CHD4: variants seen among roughly 807,000 people sequenced by gnomAD.
The protein encoded by CHD4 is ATP-dependent chromatin remodeler CHD4.
A neutral mutation model predicts 235.5 loss-of-function variants in CHD4; 35 were observed. The observed-to-expected ratio is 0.15, with a 90% confidence interval of 0.11 to 0.20. The LOEUF is 0.20. Among genes scored for constraint, CHD4 ranks in the 10% least tolerant of loss-of-function variants. The probability of loss-of-function intolerance (pLI) is 1.00; values close to 1 mark genes in which losing one functional copy is unlikely to be tolerated. For synonymous variants in CHD4, 900 were observed against 850.2 expected (o/e 1.06, Z -1.02); for missense variants, 1,329 against 2,432.3 (o/e 0.55, Z 9.54).
At chr12:6,597,045 G>T (rs562815430) in intron 12 of CHD4, among the ~76,000 whole-genome samples, 1 of 148,750 alleles carries the variant, frequency 6.7e-6, no homozygotes, top group Non-Finnish European at 1.5e-5. Context: ...GGAGGTGAGC[G>T]GATCACAAGG....
At chr12:6,584,364 A>C (rs1336727174) in intron 25 of CHD4, 1 of 152,206 alleles carries the variant, frequency 6.6e-6, no homozygotes, top group Non-Finnish European at 1.5e-5. Context: ...TTGTTAGAGG[A>C]CAGGAGAGAA....
chr12:6,581,436 G>C (rs761036067), intron 31 of CHD4, 48 bp from the exon 32 acceptor site: 18 of 1,579,378 alleles, frequency 1.1e-5, no homozygotes, highest in Non-Finnish European at 1.6e-5. Flanking sequence ...TACTAGATCA[G>C]AGAGAAGGTC....
chr12:6,593,287 G>A lies in CHD4; in HGVS notation c.2515-59C>T. 1 of 1,609,196 alleles carries A rather than the reference G, an allele frequency of 6.2e-7. No homozygotes were observed. The highest frequency in any genetic ancestry group is 1.3e-5 in the African/African-American group (1 of 74,936). Reference sequence around the variant, plus strand: ...AGTTCCTCTGTGTAAGCACAACCAGGAGACTGATGGAATGTTTTCCTCCTC... The same window carrying A: ...AGTTCCTCTGTGTAAGCACAACCAGAAGACTGATGGAATGTTTTCCTCCTC... On this transcript the variant is annotated intron_variant, in intron 16 of 39. Coordinates refer to ENST00000544040, the MANE Select transcript of CHD4 (RefSeq NM_001273.5). The surrounding 1 kb of genome is among the most constrained non-coding windows in gnomAD (Gnocchi z 4.9).
rs2136201923 is a variant in CHD4, at chr12:6,581,683, C to T, written c.4647G>A (p.Thr1549=). Residue 1549 remains threonine (T), a synonymous_variant, in exon 31 of 40, where the codon ACG becomes ACA. Coordinates refer to ENST00000544040, the MANE Select transcript of CHD4 (RefSeq NM_001273.5). ...GGACAGGTGCAGGAGTGTTGGGCTGCGTGTCCCCTGGAGTGGAGGGTGTAG... is the reference window on the plus strand; with the variant it reads ...GGACAGGTGCAGGAGTGTTGGGCTGTGTGTCCCCTGGAGTGGAGGGTGTAG... ...KTPTPSTPGD[T]QPNTPAPVPP... 6.2e-7 allele frequency: 1 copy of T among 1,610,592 alleles called. No homozygotes were observed. The highest frequency in any genetic ancestry group is 8.5e-7 in the Non-Finnish European group (1 of 1,177,802).
At chr12:6,578,697 C>T in intron 34 of CHD4, 149 bp downstream of exon 34, 1 of 1,379,922 alleles carries the variant, frequency 7.2e-7, no homozygotes, top group African/African-American at 1.4e-5. Flanking sequence ...GCCATTGGCC[C>T]ACTGACAACT....
intron 22 of CHD4, among the ~76,000 whole-genome samples, chr12:6,588,840 G>A (rs1365076792): frequency 1.3e-5 from 2 of 152,212 alleles, no homozygotes; most frequent in East Asian, 3.9e-4. Context: ...AGCTACTCAG[G>A]AAGCTGAGGC....
At position 6,606,804 on chromosome 12, in the gene CHD4, C is replaced by T. The variant is rs1241876196; in HGVS notation, c.-78-353G>A. 3 of 144,120 alleles carry T rather than the reference C, an allele frequency of 2.1e-5. No individual in the cohort carries two copies. In the East Asian group the frequency reaches 6.5e-4, roughly 31 times the overall value. 8.9% of individuals were successfully genotyped at this position (144,120 alleles called of 1,614,324 possible). On this transcript the variant is annotated intron_variant, in intron 1 of 39. Coordinates refer to ENST00000544040, the MANE Select transcript of CHD4 (RefSeq NM_001273.5). Reference sequence around the variant, plus strand: ...GGCGAGGCGCTCGGGGACACAAGGTCACTTGGGGGTGGGGGGGCGCCTCCC... The same window carrying T: ...GGCGAGGCGCTCGGGGACACAAGGTTACTTGGGGGTGGGGGGGCGCCTCCC...
At chr12:6,596,191 T>C in intron 12 of CHD4, 54 bp from the exon 13 acceptor site, 2 of 1,601,090 alleles carry the variant, frequency 1.2e-6, no homozygotes, top group Admixed American at 1.7e-5. Flanking sequence ...CCCTCCTCAC[T>C]TCCTCTCAAA....
At position 6,601,488 on chromosome 12, in the gene CHD4, C is replaced by T; in HGVS notation, c.600G>A (p.Lys200=). ...ATTTTGCACCCAAAACCATCATCAT[C>T]TTGGAGACAGCAATCTTGGGATTTT... The part of the protein sequence containing the change: ...AAKNPKIAVS[K]MMMVLGAKWR... Residue 200 remains lysine, a synonymous_variant, in exon 6 of 40, where the codon AAG becomes AAA. Transcript: ENST00000544040. 1 of 1,614,184 alleles carries T rather than the reference C, an allele frequency of 6.2e-7. No homozygotes were observed. The highest frequency in any genetic ancestry group is 2.2e-5 in the East Asian group (1 of 44,880).
chr12:6,599,414 C>T (rs1019729526), intron 10 of CHD4, among the ~76,000 whole-genome samples: 2 of 151,330 alleles, frequency 1.3e-5, no homozygotes, highest in Non-Finnish European at 2.9e-5. Flanking sequence ...CACTCTAGCC[C>T]GGATGACAGA....
chr12:6,606,637 C>T, intron 1 of CHD4, 186 bp from the exon 2 acceptor site: 1 of 374,052 alleles, frequency 2.7e-6, no homozygotes. Flanking sequence ...GCAGGCGCCC[C>T]CACGGAGCGA....
chr12:6,595,091 A>G (rs535606408), intron 14 of CHD4, among the ~76,000 whole-genome samples: 2 of 152,132 alleles, frequency 1.3e-5, no homozygotes, highest in Non-Finnish European at 2.9e-5. Context: ...CTCCCCCCAG[A>G]CAACACTTCT....
In CHD4 at chr12:6,602,401, G is replaced by C. The variant is rs775541121; in HGVS notation, c.197C>G (p.Pro66Arg). 6.2e-7 allele frequency: 1 copy of C among 1,613,864 alleles called. No homozygotes were observed. Among genetic ancestry groups the C allele is most frequent in the East Asian group, 2.2e-5 (1 of 44,888 alleles). ...KPKKPRDPKI[P>R]KSKRQKKERM... ...CTCCTTTTTTTGGCGCTTGCTCTTA[G>C]GGATTTTAGGGTCCCGAGGTTTCTT... is the stretch of plus-strand genomic sequence containing the variant. Residue 66 changes from proline (P) to arginine (R), a missense_variant, in exon 3 of 40, where the codon CCT (proline) becomes CGT (arginine). Physicochemically the swap from Pro to Arg is moderately radical, Grantham distance 103. Around this residue, in one of 26 missense-constraint regions of CHD4, gnomAD observed 213 missense variants for 177.5 expected, o/e 1.20. Transcript: ENST00000544040.
chr12:6,595,279 A>C (rs1948467638), intron 14 of CHD4, 55 bp downstream of exon 14: 1 of 1,407,582 alleles, frequency 7.1e-7, no homozygotes, highest in Non-Finnish European at 1.0e-6. Context: ...ATTAGACTGC[A>C]GCAAAGATAC....
chr12:6,578,949 T>G, intron 33 of CHD4, 32 bp from the exon 34 acceptor site: 1 of 1,588,906 alleles, frequency 6.3e-7, no homozygotes, highest in Non-Finnish European at 8.6e-7. Flanking sequence ...AGACTATACC[T>G]AAAGGAAGAA....
intron 13 of CHD4, 25 bp downstream of exon 13, chr12:6,595,981 C>T: frequency 6.3e-7 from 1 of 1,592,578 alleles, no homozygotes; most frequent in Middle Eastern, 1.7e-4. Context: ...AGAAACAACT[C>T]TATGCCTCAC....
rs1265118450 is a variant in CHD4 at position 6,601,464 on chromosome 12, T to C, written c.624A>G (p.Lys208=). The C allele has an allele frequency of 6.2e-7, 1 of 1,614,168 alleles. No individual in the cohort carries two copies. Among genetic ancestry groups the C allele is most frequent in the South Asian group, 1.1e-5 (1 of 91,088 alleles). ...GGTTATTGGTACTGAACTCCCGCCATTTTGCACCCAAAACCATCATCATCT... is the reference window on the plus strand; with the variant it reads ...GGTTATTGGTACTGAACTCCCGCCACTTTGCACCCAAAACCATCATCATCT... The part of the protein sequence containing the change: ...VSKMMMVLGA[K]WREFSTNNPF... The change falls in exon 6 of 40, where the codon AAA becomes AAG. Residue 208 remains lysine (K), a synonymous_variant. Transcript: ENST00000544040.
chr12:6,600,452 C>A, intron 8 of CHD4, 57 bp from the exon 9 acceptor site: 4 of 1,606,350 alleles, frequency 2.5e-6, no homozygotes, highest in Non-Finnish European at 3.4e-6. Flanking sequence ...CCCCCCACCC[C>A]CCGACCCCTA....
chr12:6,582,977 A>G, intron 27 of CHD4, 41 bp from the exon 28 acceptor site: 1 of 1,602,286 alleles, frequency 6.2e-7, no homozygotes, highest in Non-Finnish European at 8.5e-7. Flanking sequence ...CAGGTAGGAT[A>G]TTAAACAAAG....
Sources: allele counts gnomAD v4.1 joint callset (sites outside exome capture counted in the v4.1 genomes callset), GRCh38; gene constraint gnomAD v4.1.1; regional missense constraint gnomAD v4.1.1; non-coding constraint Gnocchi (gnomAD v3.1); transcripts MANE v1.5; gene names NCBI Gene and HGNC (gene_info 2026-07-23, HGNC 2026-07-21).